FSD1L: variants seen among roughly 807,000 people sequenced by gnomAD.
FSD1L encodes fibronectin type III and SPRY domain containing 1 like.
FSD1L carries 45 observed loss-of-function variants against 71.6 expected under a neutral mutation model. The ratio of observed to expected loss-of-function variants is 0.63; its 90% CI spans 0.49 to 0.81. The LOEUF (loss-of-function observed/expected upper bound fraction) is 0.81, where lower values mean the gene tolerates loss of function less well. FSD1L is among the 30% of genes least tolerant of loss of function. The probability of loss-of-function intolerance (pLI) is 0.00; values close to 1 mark genes in which losing one functional copy is unlikely to be tolerated. For synonymous variants in FSD1L, 197 were observed against 207.2 expected, an observed-to-expected ratio of 0.95 and a Z score of 0.42; for missense variants, 561 against 618.1, an observed-to-expected ratio of 0.91 and a Z score of 0.98.
At chr9:105,546,266 T>C (rs916331317) in intron 13 of FSD1L, 92 bp from the exon 14 acceptor site, 7 of 1,124,364 alleles carry the variant, frequency 6.2e-6, no homozygotes, top group Non-Finnish European at 8.7e-6. Context: ...GATGTTCATA[T>C]GTGTGGCATT....
intron 13 of FSD1L, among the ~76,000 whole-genome samples, chr9:105,545,093 T>A (rs1305232281): frequency 6.6e-6 from 1 of 152,106 alleles, no homozygotes; most frequent in Non-Finnish European, 1.5e-5. Context: ...TGTGTCCTCT[T>A]TTATTTCATT....
intron 3 of FSD1L, among the ~76,000 whole-genome samples, chr9:105,465,918 A>G (rs1451421780): frequency 2.0e-5 from 3 of 151,168 alleles, no homozygotes; most frequent in Non-Finnish European, 4.4e-5. Flanking sequence ...GTCACCCAGG[A>G]TGGAGTGCAA....
At chr9:105,490,572 T>C in intron 7 of FSD1L, among the ~76,000 whole-genome samples, 1 of 145,654 alleles carries the variant, frequency 6.9e-6, no homozygotes, top group Admixed American at 6.9e-5. Flanking sequence ...AGACATGAAG[T>C]CCTTGCCCAT....
At chr9:105,447,915 G>T (rs72744254), upstream of FSD1L, 63,409 of 502,386 alleles carry the variant, frequency 0.13, 4,445 homozygotes, top group Admixed American at 0.22. Context: ...AGCCTGCAGA[G>T]GCACTAGCGG....
intron 7 of FSD1L, among the ~76,000 whole-genome samples, chr9:105,487,371 T>A (rs1281731525): frequency 1.3e-5 from 2 of 151,968 alleles, no homozygotes; most frequent in African/African-American, 4.8e-5. Context: ...TTATATGTAC[T>A]GGAAAATATT....
chr9:105,545,753 C>T (rs1836957418), intron 13 of FSD1L, among the ~76,000 whole-genome samples: 1 of 152,056 alleles, frequency 6.6e-6, no homozygotes, highest in Non-Finnish European at 1.5e-5. Context: ...TTGAACCAGC[C>T]TAAGCAAAGC....
At chr9:105,495,599 C>T (rs936000661) in intron 7 of FSD1L, among the ~76,000 whole-genome samples, 11 of 152,360 alleles carry the variant, frequency 7.2e-5, no homozygotes, top group Middle Eastern at 3.4e-3. Context: ...GCGTAGCTCA[C>T]GCTGGGAGCT....
rs141805795 is a variant in FSD1L at position 105,532,664 on chromosome 9, A to G, written c.1026-1829A>G. 5.6e-3 allele frequency among the ~76,000 whole-genome samples: 846 copies of G among 152,294 alleles called. 12 individuals are homozygous for G. Among genetic ancestry groups the G allele is most frequent in the African/African-American group, 0.019 (804 of 41,542 alleles). ...CACAGAAATTTTAATCTACCTATCC[A>G]CATTCAGCTTTGCTCATGCTATCTG... is the stretch of plus-strand genomic sequence containing the variant. On this transcript the variant is annotated intron_variant, in intron 10 of 13. Transcript: ENST00000481272.
chr9:105,454,097 A>C (rs1017497714), intron 1 of FSD1L, among the ~76,000 whole-genome samples: 59 of 152,318 alleles, frequency 3.9e-4, no homozygotes, highest in Middle Eastern at 3.4e-3. Flanking sequence ...AAGAATATAA[A>C]TAAAGTGAAA....
intron 10 of FSD1L, among the ~76,000 whole-genome samples, chr9:105,519,238 G>T (rs142945200): frequency 0.031 from 4,688 of 152,144 alleles, 159 homozygotes; most frequent in African/African-American, 0.086. Flanking sequence ...AAGAGGAGCT[G>T]GTGTCATTCC....
At chr9:105,509,852 G>T (rs1447524466) in intron 9 of FSD1L, among the ~76,000 whole-genome samples, 1 of 152,172 alleles carries the variant, frequency 6.6e-6, no homozygotes, top group African/African-American at 2.4e-5. Context: ...TGTGGTTTCT[G>T]TAGAGGTTTT....
chr9:105,485,317 G>A (rs929309406), intron 7 of FSD1L, among the ~76,000 whole-genome samples: 11 of 152,034 alleles, frequency 7.2e-5, no homozygotes, highest in Non-Finnish European at 1.3e-4. Context: ...CCAGACACAT[G>A]CAAAAAAGGC....
In FSD1L at chr9:105,448,041, C is replaced by T. The variant is rs1829724508; in HGVS notation, c.-180C>T. On this transcript the variant is annotated 5_prime_UTR_variant, in exon 1 of 14. Transcript: ENST00000481272. ...TCCCTTCTGCGGGCCGCCCTTTCAC[C>T]CTGGCAACCGCGGCGTGACTACGGC... 1.5e-6 allele frequency: 1 copy of T among 680,544 alleles called. No homozygotes were observed. The allele number at this position is 680,544 out of a possible 1,614,324, so 42.2% of individuals were successfully genotyped here. A position where few individuals can be genotyped will look rare whatever the true frequency, so the allele number is the denominator to read the frequency against.
chr9:105,540,911 G>T (rs988829064), intron 13 of FSD1L, among the ~76,000 whole-genome samples: 1 of 152,096 alleles, frequency 6.6e-6, no homozygotes, highest in African/African-American at 2.4e-5. Flanking sequence ...TTAGGTTCCC[G>T]TGGGGAGTTG....
chr9:105,463,586 A>G (rs932364779), intron 2 of FSD1L, among the ~76,000 whole-genome samples: 2 of 152,198 alleles, frequency 1.3e-5, no homozygotes, highest in Admixed American at 1.3e-4. Flanking sequence ...CAGCACATTT[A>G]TAGAACATTT....
chr9:105,513,474 C>A, intron 10 of FSD1L: 4 of 576,624 alleles, frequency 6.9e-6, no homozygotes, highest in South Asian at 2.8e-5. Flanking sequence ...AGATAAATGC[C>A]ATTGTGAGTT....
At chr9:105,495,465 T>C (rs1379257810) in intron 7 of FSD1L, among the ~76,000 whole-genome samples, 1 of 152,212 alleles carries the variant, frequency 6.6e-6, no homozygotes, top group South Asian at 2.1e-4. Flanking sequence ...AGTGAGGCAA[T>C]GCCTCGCCCT....
At chr9:105,543,417 AATTTT>A (rs769318582) in intron 13 of FSD1L, among the ~76,000 whole-genome samples, 3 of 152,106 alleles carry the variant, frequency 2.0e-5, no homozygotes, top group Non-Finnish European at 2.9e-5. Flanking sequence ...AAGCAGTTTT[AATTTT>A]ATTTTATTTT....
intron 9 of FSD1L, among the ~76,000 whole-genome samples, chr9:105,509,218 C>G (rs1307164959): frequency 1.3e-5 from 2 of 151,982 alleles, no homozygotes; most frequent in East Asian, 3.9e-4. Flanking sequence ...TTATTGATAC[C>G]CATATTGCAG....
Sources: gnomAD v4.1 joint callset for allele counts (sites outside exome capture counted in the v4.1 genomes callset) on GRCh38, gnomAD v4.1.1 for gene constraint, MANE v1.5 for transcripts, NCBI Gene and HGNC (gene_info 2026-07-23, HGNC 2026-07-21) for gene names.